SPDYE5: variants seen among roughly 807,000 people sequenced by gnomAD.
SPDYE5 encodes the protein speedy protein E5.
SPDYE5 carries 15 observed loss-of-function variants against 48.5 expected under a neutral mutation model. The observed-to-expected ratio is 0.31, with a 90% confidence interval of 0.21 to 0.48. The LOEUF is 0.48. Among genes scored for constraint, SPDYE5 ranks in the 20% least tolerant of loss-of-function variants. SPDYE5 has a pLI of 0.99. For synonymous variants in SPDYE5, 116 were observed against 200.7 expected, an observed-to-expected ratio of 0.58 and a Z score of 3.57; for missense variants, 331 against 549.1, an observed-to-expected ratio of 0.60 and a Z score of 3.97.
At position 75,493,636 on chromosome 7, in the gene SPDYE5, T is replaced by A. The variant is rs1554482039; in HGVS notation, c.-412T>A. The A allele has an allele frequency of 1.1e-5, 14 of 1,292,520 alleles. No individual in the cohort carries two copies. Among genetic ancestry groups the A allele is most frequent in the Admixed American group, 3.6e-5 (1 of 27,434 alleles). 80.1% of individuals were successfully genotyped at this position (1,292,520 alleles called of 1,614,324 possible). A position where few individuals can be genotyped will look rare whatever the true frequency, so the allele number is the denominator to read the frequency against. On this transcript the variant is annotated 5_prime_UTR_variant, in exon 2 of 9. Coordinates refer to ENST00000625065, the MANE Select transcript of SPDYE5 (RefSeq NM_001306141.4). ...TTCCCTCTCCCACCAGACTGGACTC[T>A]GAAATGGGCATGTACAGAGACAAAG...
chr7:75,497,358 G>A (rs377113296), intron 4 of SPDYE5, among the ~76,000 whole-genome samples: 25 of 149,126 alleles, frequency 1.7e-4, no homozygotes, highest in African/African-American at 4.2e-4. Flanking sequence ...GCTTAAACCC[G>A]GGAGGCAGAG....
Position 75,503,140 on chromosome 7 carries a change from T to G in SPDYE5, c.*353T>G. On this transcript the variant is annotated 3_prime_UTR_variant, in exon 9 of 9. Coordinates refer to ENST00000625065, the MANE Select transcript of SPDYE5 (RefSeq NM_001306141.4). The stretch of plus-strand genomic sequence containing the variant: ...ATTCCAACCTCCCTGGGGCGGAACC[T>G]GGAGGTCCTGTTTCTTATGGACTTG... 1 of 447,606 alleles carries G rather than the reference T, an allele frequency of 2.2e-6. No individual in the cohort carries two copies. The highest frequency in any genetic ancestry group is 6.9e-5 in the East Asian group (1 of 14,548). 27.7% of individuals were successfully genotyped at this position (447,606 alleles called of 1,614,324 possible).
At chr7:75,492,158 A>G (rs1478931763), upstream of SPDYE5, among the ~76,000 whole-genome samples, 4 of 152,136 alleles carry the variant, frequency 2.6e-5, no homozygotes, top group Non-Finnish European at 4.4e-5. Context: ...ATTCCACAAA[A>G]GAGAAATTTT....
intron 8 of SPDYE5, among the ~76,000 whole-genome samples, chr7:75,502,278 T>C (rs3973246): frequency 1.4e-5 from 2 of 140,060 alleles, no homozygotes; most frequent in Non-Finnish European, 3.1e-5. Flanking sequence ...TAATCATAAA[T>C]ACTGAGTTGG....
At position 75,492,365 on chromosome 7, in the gene SPDYE5, G is replaced by T. The variant is rs3869213; in HGVS notation, c.-498G>T. Among the ~76,000 whole-genome samples, 3 of 152,130 alleles carry T rather than the reference G, an allele frequency of 2.0e-5. No individual in the cohort carries two copies. Among genetic ancestry groups the T allele is most frequent in the Non-Finnish European group, 4.4e-5 (3 of 68,032 alleles). On this transcript the variant is annotated 5_prime_UTR_variant, in exon 1 of 9. Coordinates refer to ENST00000625065, the MANE Select transcript of SPDYE5 (RefSeq NM_001306141.4). ...AATGGGATCTGCTTCCTCTTTCAGT[G>T]TGTGCCTTTTCTATGAGCGAGAGAC...
At chr7:75,493,435 A>C (rs2116591262) in intron 1 of SPDYE5, among the ~76,000 whole-genome samples, 192 bp from the exon 2 acceptor site, 1 of 151,202 alleles carries the variant, frequency 6.6e-6, no homozygotes, top group African/African-American at 2.4e-5. Flanking sequence ...ATTCGGCAGA[A>C]AAGCTCTGCC....
intron 6 of SPDYE5, among the ~76,000 whole-genome samples, chr7:75,501,036 G>A (rs1414633844): frequency 2.0e-5 from 3 of 152,108 alleles, no homozygotes; most frequent in African/African-American, 7.2e-5. Flanking sequence ...TAGAGACGAG[G>A]GTCTTGCTAT....
intron 3 of SPDYE5, among the ~76,000 whole-genome samples, chr7:75,495,754 C>T (rs1331486484): frequency 5.9e-5 from 9 of 152,160 alleles, no homozygotes; most frequent in East Asian, 1.9e-4. Flanking sequence ...AAAAGAAAAA[C>T]GAAGGCCGGG....
intron 1 of SPDYE5, among the ~76,000 whole-genome samples, chr7:75,492,913 G>T (rs1202095190): frequency 1.3e-5 from 2 of 152,160 alleles, no homozygotes; most frequent in African/African-American, 4.8e-5. Flanking sequence ...TTCCTGTCAC[G>T]AGTCTCCCAA....
chr7:75,496,641 A>G lies in SPDYE5; in HGVS notation c.380-33A>G, dbSNP rs587734219. 1.9e-6 allele frequency: 3 copies of G among 1,597,534 alleles called. No individual in the cohort carries two copies. In the African/African-American group the frequency reaches 4.0e-5, roughly 21 times the overall value. Reference sequence around the variant, plus strand: ...GGGCTCTAGTGTGATCAACTGCAGAAGCATTACACCATGGCCTGGTTTCTT... The same window carrying G: ...GGGCTCTAGTGTGATCAACTGCAGAGGCATTACACCATGGCCTGGTTTCTT... On this transcript the variant is annotated intron_variant, in intron 3 of 8. Coordinates refer to ENST00000625065, the MANE Select transcript of SPDYE5 (RefSeq NM_001306141.4).
chr7:75,493,958 T>TC lies in SPDYE5; in HGVS notation c.-89dup. 1 of 1,513,784 alleles carries TC rather than the reference T, an allele frequency of 6.6e-7. No homozygotes were observed. The allele number at this position is 1,513,784 out of a possible 1,614,324, so 93.8% of individuals were successfully genotyped here. A position where few individuals can be genotyped will look rare whatever the true frequency, so the allele number is the denominator to read the frequency against. On this transcript the variant is annotated 5_prime_UTR_variant, in exon 2 of 9. An upstream open reading frame in the 5' UTR gains an earlier in-frame stop. Coordinates refer to ENST00000625065, the MANE Select transcript of SPDYE5 (RefSeq NM_001306141.4). ...GGAGATCAGTTGGACAACAGTATCT[T>TC]CTCAGAGCTGTTCTCCACTCCTGAC... is the stretch of plus-strand genomic sequence containing the variant.
intron 6 of SPDYE5, among the ~76,000 whole-genome samples, chr7:75,499,574 C>G (rs1223827455): frequency 2.0e-5 from 3 of 152,080 alleles, no homozygotes; most frequent in Admixed American, 1.3e-4. Context: ...CGAGACCAGC[C>G]TGGCCAACAT....
intron 2 of SPDYE5, among the ~76,000 whole-genome samples, chr7:75,494,641 C>A (rs1299877912): frequency 6.6e-6 from 1 of 151,984 alleles, no homozygotes; most frequent in Non-Finnish European, 1.5e-5. Context: ...AACCCCAGAA[C>A]TTTGGGAGGC....
rs1399873324 is a variant in SPDYE5, at chr7:75,496,413, A to AT, written c.380-261_380-260insT. ...ACAACAACAACAACAACAAAAAAAAAAAAAAAAAAAAGGGACTCAGAGAGC... is the reference window on the plus strand; with the variant it reads ...ACAACAACAACAACAACAAAAAAAAATAAAAAAAAAAAGGGACTCAGAGAGC... On this transcript the variant is annotated intron_variant, in intron 3 of 8. Transcript: ENST00000625065. Among the ~76,000 whole-genome samples, 5 of 119,906 alleles carry AT rather than the reference A, an allele frequency of 4.2e-5. No individual in the cohort carries two copies. In the East Asian group the frequency reaches 1.4e-3, roughly 34 times the overall value. 78.7% of individuals were successfully genotyped at this position (119,906 alleles called of 152,430 possible). A position where few individuals can be genotyped will look rare whatever the true frequency, so the allele number is the denominator to read the frequency against.
At chr7:75,500,579 G>A (rs1554483254) in intron 6 of SPDYE5, among the ~76,000 whole-genome samples, 1 of 151,344 alleles carries the variant, frequency 6.6e-6, no homozygotes, top group Non-Finnish European at 1.5e-5. Flanking sequence ...TGTCCCCCAA[G>A]CTGGAGTGCA....
chr7:75,493,877 G>A lies in SPDYE5; in HGVS notation c.-171G>A, dbSNP rs587604381. The A allele has an allele frequency of 5.5e-6, 8 of 1,446,704 alleles. No individual in the cohort carries two copies. In the South Asian group the frequency reaches 8.7e-5, roughly 16 times the overall value. The allele number at this position is 1,446,704 out of a possible 1,614,324, so 89.6% of individuals were successfully genotyped here. A position where few individuals can be genotyped will look rare whatever the true frequency, so the allele number is the denominator to read the frequency against. On this transcript the variant is annotated 5_prime_UTR_variant, in exon 2 of 9. Coordinates refer to ENST00000625065, the MANE Select transcript of SPDYE5 (RefSeq NM_001306141.4). ...AACTGGTTGCCAGGTTGGCATGAGC[G>A]ATGACATCAGAGATTCCGACCATCC...
At position 75,501,529 on chromosome 7, in the gene SPDYE5, T is replaced by C; in HGVS notation, c.923T>C (p.Leu308Ser). The C allele has an allele frequency of 6.6e-7, 1 of 1,514,114 alleles. No individual in the cohort carries two copies. Among genetic ancestry groups the C allele is most frequent in the Non-Finnish European group, 8.9e-7 (1 of 1,125,182 alleles). 93.8% of individuals were successfully genotyped at this position (1,514,114 alleles called of 1,614,324 possible). ...RARKKRSRIPLLRKRRFQLGR... is the reference protein window; with the variant it reads ...RARKKRSRIPSLRKRRFQLGR... ...AGGAAGAAGCGCTCTCGCATACCCT[T>C]GCTCCGTAAGCGTCGGTTCCAGTTA... Residue 308 changes from leucine (L) to serine (S), a missense_variant, in exon 7 of 9, where the codon TTG (leucine) becomes TCG (serine). Coordinates refer to ENST00000625065, the MANE Select transcript of SPDYE5 (RefSeq NM_001306141.4).
At position 75,499,744 on chromosome 7, in the gene SPDYE5, G is replaced by A. The variant is rs587750095; in HGVS notation, c.755+428G>A. Among the ~76,000 whole-genome samples the A allele has an allele frequency of 1.2e-4, 15 of 128,456 alleles. No homozygotes were observed. In the East Asian group the frequency reaches 3.2e-3, roughly 27 times the overall value. The allele number at this position is 128,456 out of a possible 152,430, so 84.3% of individuals were successfully genotyped here. ...GTCGAGCCACCGCACTCCAGCCTGG[G>A]TGACAGAGTGAGACTTTTTCTCAAA... On this transcript the variant is annotated intron_variant, in intron 6 of 8. Transcript: ENST00000625065.
At chr7:75,496,015 C>CA (rs58917345) in intron 3 of SPDYE5, among the ~76,000 whole-genome samples, 10,406 of 65,610 alleles carry the variant, frequency 0.16, 518 homozygotes, top group Middle Eastern at 0.2. Flanking sequence ...GACGCTGTGT[C>CA]AAAAAAAAAA....
Sources: allele counts gnomAD v4.1 joint callset (sites outside exome capture counted in the v4.1 genomes callset), GRCh38; gene constraint gnomAD v4.1.1; transcripts MANE v1.5; gene names NCBI Gene and HGNC (gene_info 2026-07-23, HGNC 2026-07-21).